The following RGL4 variants were observed in gnomAD, a reference collection of about 807,000 sequenced individuals.
RGL4 encodes ral guanine nucleotide dissociation stimulator like 4, also known as ral-GDS-related protein.
Under a neutral mutation model 49.6 loss-of-function variants are expected in RGL4, and 41 were observed. The observed-to-expected ratio is 0.83, with a 90% CI of 0.64 to 1.07. The LOEUF is 1.07. RGL4 is among the 50% of genes least tolerant of loss of function. The pLI, the probability that RGL4 is intolerant of heterozygous loss-of-function variation, is 0.00. For missense variants in RGL4, 610 were observed against 591.9 expected, an observed-to-expected ratio of 1.03 and a Z score of -0.32; for synonymous variants, 255 against 238.0, an observed-to-expected ratio of 1.07 and a Z score of -0.66.
chr22:23,692,163 C>T lies in RGL4; in HGVS notation c.133C>T (p.Leu45=). The T allele has an allele frequency of 6.2e-7, 1 of 1,614,212 alleles. No homozygotes were observed. Among genetic ancestry groups the T allele is most frequent in the Admixed American group, 1.7e-5 (1 of 60,028 alleles). ...GCGCACGAGGGTCTGTACAGCCCTGCTGTATGGCCAGGTCTGCCCCTTCCA... is the reference window on the plus strand; with the variant it reads ...GCGCACGAGGGTCTGTACAGCCCTGTTGTATGGCCAGGTCTGCCCCTTCCA... ...PGRTRVCTAL[L]YGQVCPFQDS... Residue 45 remains leucine (L), a synonymous_variant, in exon 1 of 11, where the codon CTG becomes TTG. Coordinates refer to ENST00000290691, the MANE Select transcript of RGL4 (RefSeq NM_153615.2).
intron 3 of RGL4, among the ~76,000 whole-genome samples, chr22:23,693,376 T>C (rs371865644): frequency 5.9e-5 from 9 of 152,206 alleles, no homozygotes; most frequent in East Asian, 1.9e-4. Flanking sequence ...ACAGAGCCCA[T>C]AGTTGCAGCT....
intron 10 of RGL4, 25 bp downstream of exon 10, chr22:23,698,358 G>C (rs199608769): frequency 6.3e-7 from 1 of 1,588,318 alleles, no homozygotes; most frequent in Non-Finnish European, 8.6e-7. Context: ...CATGGGCTGA[G>C]GGTGGGAGAA....
At chr22:23,697,324 G>A (rs1923573560) in intron 8 of RGL4, 79 bp downstream of exon 8, 2 of 1,189,138 alleles carry the variant, frequency 1.7e-6, no homozygotes, top group East Asian at 2.4e-5. Flanking sequence ...CGAGCCTTTA[G>A]ATCTCAGCCC....
rs1437487100 is a variant in RGL4 at position 23,692,525 on chromosome 22, G to A, written c.370G>A (p.Asp124Asn). The stretch of plus-strand genomic sequence containing the variant: ...TCCGGAGCCCAACGAGGCCAAGCCA[G>A]ATGGTGAGGGGGCTTGCAGTCTGCA... ...VLPEPNEAKP[D>N]DPAPRPGQHA... Residue 124 changes from aspartate to asparagine, a missense_variant, in exon 2 of 11, where the codon GAT (aspartate) becomes AAT (asparagine). Physicochemically the swap from Asp to Asn is conservative, Grantham distance 23. Coordinates refer to ENST00000290691, the MANE Select transcript of RGL4 (RefSeq NM_153615.2). 6 of 1,612,984 alleles carry A rather than the reference G, an allele frequency of 3.7e-6. No individual in the cohort carries two copies. The highest frequency in any genetic ancestry group is 1.7e-5 in the Admixed American group (1 of 59,940).
chr22:23,695,482 C>T, intron 6 of RGL4: 2 of 541,802 alleles, frequency 3.7e-6, no homozygotes, highest in South Asian at 1.5e-5. Flanking sequence ...CTGCTGTCTG[C>T]AGCACACCTC....
chr22:23,698,197 G>A lies in RGL4; in HGVS notation c.1261-15G>A, dbSNP rs748297741. ...TCCACCCAGGCCCTGTCAGCATCCT[G>A]TCCTCTGTCTCTAGGAGGTCCGAGT... On this transcript the variant is annotated splice_polypyrimidine_tract_variant and intron_variant, in intron 9 of 10. Coordinates refer to ENST00000290691, the MANE Select transcript of RGL4 (RefSeq NM_153615.2). 14 of 1,594,374 alleles carry A rather than the reference G, an allele frequency of 8.8e-6. No homozygotes were observed. The East Asian group carries it at 2.3e-4, about 26-fold the overall frequency.
rs372190471 is a variant in RGL4, at chr22:23,698,917, C to T, written c.*34C>T. On this transcript the variant is annotated 3_prime_UTR_variant, in exon 11 of 11. Coordinates refer to ENST00000290691, the MANE Select transcript of RGL4 (RefSeq NM_153615.2). ...CATCCTGCAGTGGCTGGGAACCCAC[C>T]GGGATGCTGGCCAGAACACCGGCTC... The T allele has an allele frequency of 9.9e-6, 16 of 1,608,712 alleles. No homozygotes were observed. Among genetic ancestry groups the T allele is most frequent in the African/African-American group, 2.7e-5 (2 of 74,994 alleles).
chr22:23,692,269 G>C, intron 1 of RGL4, 60 bp downstream of exon 1: 2 of 1,607,990 alleles, frequency 1.2e-6, no homozygotes, highest in Non-Finnish European at 1.7e-6. Context: ...AACCACGCAG[G>C]GGTGCCCTGG....
rs1164810830 is a variant in RGL4 at position 23,698,258 on chromosome 22, T to C, written c.1307T>C (p.Met436Thr). The C allele has an allele frequency of 1.2e-6, 2 of 1,611,872 alleles. No individual in the cohort carries two copies. Among genetic ancestry groups the C allele is most frequent in the Non-Finnish European group, 1.7e-6 (2 of 1,178,144 alleles). The part of the protein sequence containing the change: ...QEMQLLQVAA[M>T]NYRLRPLEKF... ...ATGCAGCTGCTCCAAGTGGCTGCCATGAATTACAGGCTTCGGCCTCTTGAG... is the reference window on the plus strand; with the variant it reads ...ATGCAGCTGCTCCAAGTGGCTGCCACGAATTACAGGCTTCGGCCTCTTGAG... Residue 436 changes from methionine (M) to threonine (T), a missense_variant, in exon 10 of 11, where the codon ATG becomes ACG. Met to Thr is a moderately conservative substitution (Grantham distance 81). Coordinates refer to ENST00000290691, the MANE Select transcript of RGL4 (RefSeq NM_153615.2).
In RGL4 at chr22:23,691,446, A is replaced by G. The variant is rs1439243758; in HGVS notation, c.-585A>G. The stretch of plus-strand genomic sequence containing the variant: ...GTTGGGGTTCACTCATTCAACACAT[A>G]CATTCAAAACACCTCATTTGTGCAT... On this transcript the variant is annotated 5_prime_UTR_variant, in exon 1 of 11. It adds an upstream start codon to the 5' untranslated region. Transcript: ENST00000290691. 1 of 152,676 alleles carries G rather than the reference A, an allele frequency of 6.5e-6. No individual in the cohort carries two copies. The highest frequency in any genetic ancestry group is 1.5e-5 in the Non-Finnish European group (1 of 68,388). 9.5% of individuals were successfully genotyped at this position (152,676 alleles called of 1,614,324 possible).
intron 4 of RGL4, 89 bp downstream of exon 4, chr22:23,694,063 T>C: frequency 8.2e-7 from 1 of 1,212,324 alleles, no homozygotes; most frequent in Admixed American, 1.8e-5. Flanking sequence ...GGCATCTGTA[T>C]CTCTGGCCTG....
chr22:23,697,081 G>A (rs1299793275), intron 7 of RGL4, 90 bp from the exon 8 acceptor site: 2 of 978,686 alleles, frequency 2.0e-6, no homozygotes, highest in Admixed American at 2.2e-5. Context: ...GGGCTGATGG[G>A]ATTTCATGGG....
At chr22:23,694,893 A>G (rs1413586377) in intron 5 of RGL4, 57 bp from the exon 6 acceptor site, 1 of 1,348,648 alleles carries the variant, frequency 7.4e-7, no homozygotes, top group Non-Finnish European at 1.1e-6. Flanking sequence ...AGGGACTGGA[A>G]CTCACAAATC....
chr22:23,698,600 T>G, intron 10 of RGL4: 2 of 727,298 alleles, frequency 2.7e-6, no homozygotes, highest in South Asian at 3.0e-5. Flanking sequence ...ACTCCTGGCC[T>G]CAAGCAATCC....
chr22:23,697,984 C>A, intron 9 of RGL4, 123 bp downstream of exon 9: 2 of 1,295,854 alleles, frequency 1.5e-6, no homozygotes, highest in Non-Finnish European at 2.2e-6. Flanking sequence ...GTTTGACACA[C>A]ACAGGAGGAG....
At chr22:23,697,606 TGA>T (rs1569121049) in intron 8 of RGL4, among the ~76,000 whole-genome samples, 1 of 152,260 alleles carries the variant, frequency 6.6e-6, no homozygotes, top group South Asian at 2.1e-4. Flanking sequence ...TTTCTTTCTA[TGA>T]GAGACCTCAG....
At position 23,698,204 on chromosome 22, in the gene RGL4, G is replaced by T. The variant is rs747560729; in HGVS notation, c.1261-8G>T. On this transcript the variant is annotated splice_polypyrimidine_tract_variant and splice_region_variant and intron_variant, in intron 9 of 10. Coordinates refer to ENST00000290691, the MANE Select transcript of RGL4 (RefSeq NM_153615.2). The stretch of plus-strand genomic sequence containing the variant: ...AGGCCCTGTCAGCATCCTGTCCTCT[G>T]TCTCTAGGAGGTCCGAGTTCTGCAG... The T allele has an allele frequency of 5.0e-6, 8 of 1,601,178 alleles. No homozygotes were observed. In the East Asian group the frequency reaches 1.8e-4, roughly 36 times the overall value.
chr22:23,692,144 G>A lies in RGL4; in HGVS notation c.114G>A (p.Thr38=), dbSNP rs148535347. ...ATGTCTGTGGGACGCCAGGGCGCAC[G>A]AGGGTCTGTACAGCCCTGCTGTATG... is the stretch of plus-strand genomic sequence containing the variant. ...EENVCGTPGR[T]RVCTALLYGQ... Residue 38 remains threonine, a synonymous_variant, in exon 1 of 11, where the codon ACG becomes ACA. Transcript: ENST00000290691. The A allele has an allele frequency of 1.9e-4, 307 of 1,614,218 alleles. 2 individuals carry two copies. The African/African-American group carries it at 3.1e-3, about 16-fold the overall frequency.
chr22:23,697,342 A>G, intron 8 of RGL4, 97 bp downstream of exon 8: 1 of 944,076 alleles, frequency 1.1e-6, no homozygotes, highest in Non-Finnish European at 1.7e-6. Context: ...CCCTTGGCAA[A>G]CCTCCTCTCC....
Sources: allele counts gnomAD v4.1 joint callset (sites outside exome capture counted in the v4.1 genomes callset), GRCh38; gene constraint gnomAD v4.1.1; transcripts MANE v1.5; gene names NCBI Gene and HGNC (gene_info 2026-07-23, HGNC 2026-07-21).